Variants in ACKR2 observed in about 807,000 individuals in gnomAD.
ACKR2 encodes atypical chemokine receptor 2, also known as C-C chemokine receptor D6.
For missense variants in ACKR2, 457 were observed against 477.3 expected (o/e 0.96, Z 0.40); for synonymous variants, 207 against 192.2 (o/e 1.08, Z -0.64).
Position 42,856,099 on chromosome 3 carries a change from C to T in ACKR2, c.-37-8367C>T, listed in dbSNP as rs2088315434. On this transcript the variant is annotated intron_variant, in intron 2 of 2. Transcript: ENST00000422265. ...GTGCTAGGAGTGTCCTTACTGCTGC[C>T]CAGAAAAGGGAGGAGTTGAAGGCCA... 4 of 413,752 alleles carry T rather than the reference C, an allele frequency of 9.7e-6. No homozygotes were observed. In the East Asian group the frequency reaches 1.2e-4, roughly 12 times the overall value. 25.6% of individuals were successfully genotyped at this position (413,752 alleles called of 1,614,324 possible). A position where few individuals can be genotyped will look rare whatever the true frequency, so the allele number is the denominator to read the frequency against.
intron 2 of ACKR2, among the ~76,000 whole-genome samples, chr3:42,827,183 A>G (rs1050953221): frequency 6.6e-6 from 1 of 152,214 alleles, no homozygotes; most frequent in African/African-American, 2.4e-5. Flanking sequence ...TGAGAAGAAC[A>G]TGTATTTTGC....
chr3:42,818,642 A>G (rs906617972), intron 1 of ACKR2, among the ~76,000 whole-genome samples: 2 of 151,986 alleles, frequency 1.3e-5, no homozygotes, highest in East Asian at 3.9e-4. Context: ...GCTCACTGCA[A>G]CCTCCATCTC....
chr3:42,849,979 A>G (rs758476418), intron 2 of ACKR2, among the ~76,000 whole-genome samples: 80 of 152,220 alleles, frequency 5.3e-4, no homozygotes, highest in Non-Finnish European at 1.0e-3. Flanking sequence ...GCAGACAGGT[A>G]TCCAGGAATC....
intron 1 of ACKR2, among the ~76,000 whole-genome samples, 162 bp from the exon 2 acceptor site, chr3:42,819,468 TC>T (rs1700787329): frequency 6.8e-6 from 1 of 146,520 alleles, no homozygotes; most frequent in African/African-American, 2.7e-5. Context: ...AGAGCTGGGC[TC>T]CCTCACTGTT....
chr3:42,830,413 G>C (rs1223923993), intron 2 of ACKR2, among the ~76,000 whole-genome samples: 2 of 152,186 alleles, frequency 1.3e-5, no homozygotes, highest in Non-Finnish European at 2.9e-5. Flanking sequence ...ACCACGCCCA[G>C]CCTTTGATTG....
In ACKR2 at chr3:42,866,187, T is replaced by TTG. The variant is rs1305027517; in HGVS notation, c.*531_*532insGT. ...TTCTTTCTTTCTTTTCTTTTTTTTT[T>TTG]TTTTTTGAGACGGAGTCTCACTCTT... On this transcript the variant is annotated 3_prime_UTR_variant, in exon 3 of 3. Transcript: ENST00000422265. 2.0e-5 allele frequency: 3 copies of TTG among 148,026 alleles called. No homozygotes were observed. In the East Asian group the frequency reaches 6.0e-4, roughly 30 times the overall value. The allele number at this position is 148,026 out of a possible 1,614,324, so 9.2% of individuals were successfully genotyped here. A position where few individuals can be genotyped will look rare whatever the true frequency, so the allele number is the denominator to read the frequency against.
intron 2 of ACKR2, among the ~76,000 whole-genome samples, chr3:42,822,069 A>G (rs991505007): frequency 6.6e-6 from 1 of 152,048 alleles, no homozygotes; most frequent in African/African-American, 2.4e-5. Context: ...TGAAATACAT[A>G]TATGTATATA....
rs185812009 is a variant in ACKR2, at chr3:42,824,522, C to T, written c.-38+4811C>T. On this transcript the variant is annotated intron_variant, in intron 2 of 2. Transcript: ENST00000422265. ...CTGTCACTTCCATCTCCACACCTTC[C>T]CCCTGCCCCATGAATCTATTTTGGG... 2.0e-5 allele frequency among the ~76,000 whole-genome samples: 3 copies of T among 152,282 alleles called. No individual in the cohort carries two copies. In the East Asian group the frequency reaches 5.8e-4, roughly 29 times the overall value.
chr3:42,857,580 A>C (rs928174726), intron 2 of ACKR2, among the ~76,000 whole-genome samples: 1 of 152,210 alleles, frequency 6.6e-6, no homozygotes, highest in African/African-American at 2.4e-5. Flanking sequence ...TTTAAAGATA[A>C]GGAAACTAAG....
intron 2 of ACKR2, among the ~76,000 whole-genome samples, chr3:42,848,420 G>C (rs964329547): frequency 1.3e-5 from 2 of 151,950 alleles, no homozygotes; most frequent in Non-Finnish European, 2.9e-5. Flanking sequence ...GTTTCGCCAT[G>C]TTGCCCAGGC....
chr3:42,828,090 A>ATTTTTTTTTTTTTTTTTTTTT (rs200255129), intron 2 of ACKR2, among the ~76,000 whole-genome samples: 1 of 91,874 alleles, frequency 1.1e-5, no homozygotes, highest in African/African-American at 4.3e-5. Context: ...ATATATATAT[A>ATTTTTTTTTTTTTTTTTTTTT]TATTTTTTTT....
Position 42,857,220 on chromosome 3 carries a change from T to G in ACKR2, c.-37-7246T>G, listed in dbSNP as rs141159546. ...TCTTAATTTTATTAAAAGAGTATCT[T>G]GTACATATTTTTATGGGACTTAGAG... On this transcript the variant is annotated intron_variant, in intron 2 of 2. Coordinates refer to ENST00000422265, the MANE Select transcript of ACKR2 (RefSeq NM_001296.5). 2.6e-5 allele frequency among the ~76,000 whole-genome samples: 4 copies of G among 152,284 alleles called. No individual in the cohort carries two copies. The East Asian group carries it at 7.8e-4, about 30-fold the overall frequency.
intron 2 of ACKR2, among the ~76,000 whole-genome samples, chr3:42,845,912 T>C (rs1701089864): frequency 7.0e-6 from 1 of 142,420 alleles, no homozygotes; most frequent in East Asian, 2.1e-4. Context: ...AACAACATCA[T>C]AAAACTACAA....
rs564956845 is a variant in ACKR2 at position 42,830,491 on chromosome 3, A to G, written c.-38+10780A>G. 3.9e-5 allele frequency among the ~76,000 whole-genome samples: 6 copies of G among 152,218 alleles called. No homozygotes were observed. The South Asian group carries it at 1.2e-3, about 32-fold the overall frequency. On this transcript the variant is annotated intron_variant, in intron 2 of 2. Transcript: ENST00000422265. ...CTAAAAGTGGCAAAATCTTGTTTTA[A>G]AATTTTGTCTGTCCCCTCCCCCAAA...
intron 1 of ACKR2, among the ~76,000 whole-genome samples, chr3:42,811,011 G>A (rs368739874): frequency 2.0e-5 from 3 of 152,080 alleles, no homozygotes; most frequent in Non-Finnish European, 4.4e-5. Flanking sequence ...CACCACACCC[G>A]GCTAACTTTT....
intron 2 of ACKR2, chr3:42,856,088 C>A: frequency 2.5e-6 from 1 of 400,008 alleles, no homozygotes. Flanking sequence ...TAGGAGTGTC[C>A]TTACTGCTGC....
At chr3:42,843,254 A>G (rs1701058867) in intron 2 of ACKR2, among the ~76,000 whole-genome samples, 1 of 151,622 alleles carries the variant, frequency 6.6e-6, no homozygotes, top group Non-Finnish European at 1.5e-5. Context: ...TATTTTTAGT[A>G]GAGACGGGAT....
intron 2 of ACKR2, among the ~76,000 whole-genome samples, chr3:42,829,000 G>A (rs970537451): frequency 2.6e-5 from 4 of 152,106 alleles, no homozygotes; most frequent in Middle Eastern, 3.2e-3. Context: ...CTGGGAGAGG[G>A]GAGCATCAAG....
intron 2 of ACKR2, chr3:42,851,389 AC>A (rs1701157826): frequency 1.0e-6 from 1 of 985,356 alleles, no homozygotes; most frequent in Admixed American, 6.2e-5. Context: ...AGGAAGAGGC[AC>A]CTGGCGCTGC....
Sources: allele counts gnomAD v4.1 joint callset (sites outside exome capture counted in the v4.1 genomes callset), GRCh38; gene constraint gnomAD v4.1.1; transcripts MANE v1.5; gene names NCBI Gene and HGNC (gene_info 2026-07-23, HGNC 2026-07-21).